AIG1: variants seen among roughly 807,000 people sequenced by gnomAD.
AIG1 encodes androgen induced 1.
AIG1 carries 23 observed loss-of-function variants against 31.4 expected under a neutral mutation model. The observed-to-expected ratio is 0.73, with a 90% CI of 0.53 to 1.04. The LOEUF (loss-of-function observed/expected upper bound fraction) is 1.04. Among genes scored for constraint, AIG1 ranks in the 50% least tolerant of loss-of-function variants. The pLI, the probability that AIG1 is intolerant of heterozygous loss-of-function variation, is 0.00. For synonymous variants in AIG1, 100 were observed against 110.5 expected (o/e 0.90, Z 0.60); for missense variants, 274 against 295.0 (o/e 0.93, Z 0.52).
chr6:143,185,160 C>T (rs1789130520), intron 3 of AIG1, among the ~76,000 whole-genome samples: 1 of 149,144 alleles, frequency 6.7e-6, no homozygotes, highest in Non-Finnish European at 1.5e-5. Context: ...TGTGCCACTG[C>T]ACTCCAGCCT....
At chr6:143,078,576 C>A (rs148375149) in intron 1 of AIG1, among the ~76,000 whole-genome samples, 2 of 152,066 alleles carry the variant, frequency 1.3e-5, no homozygotes, top group South Asian at 4.1e-4. Flanking sequence ...GCCTCACAAT[C>A]GTGGTGGAAG....
At chr6:143,123,033 A>G (rs772385900) in intron 1 of AIG1, among the ~76,000 whole-genome samples, 2 of 152,114 alleles carry the variant, frequency 1.3e-5, no homozygotes, top group African/African-American at 2.4e-5. Context: ...TCCTATAACT[A>G]TGGCACTGGG....
At chr6:143,221,144 C>A (rs140142763) in intron 3 of AIG1, among the ~76,000 whole-genome samples, 12 of 152,234 alleles carry the variant, frequency 7.9e-5, no homozygotes, top group South Asian at 4.2e-4. Context: ...TAGTGATATT[C>A]TTTTTCTTAG....
At chr6:143,108,149 T>C (rs1174684525) in intron 1 of AIG1, among the ~76,000 whole-genome samples, 2 of 152,234 alleles carry the variant, frequency 1.3e-5, no homozygotes, top group Non-Finnish European at 2.9e-5. Context: ...GAAGCGACTC[T>C]GCAGCACTTT....
At chr6:143,182,737 T>A in intron 3 of AIG1, among the ~76,000 whole-genome samples, 1 of 152,234 alleles carries the variant, frequency 6.6e-6, no homozygotes, top group Middle Eastern at 3.2e-3. Context: ...TTTATTTCAG[T>A]TGCTGATTTA....
At chr6:143,182,995 T>C (rs1463823054) in intron 3 of AIG1, among the ~76,000 whole-genome samples, 1 of 152,250 alleles carries the variant, frequency 6.6e-6, no homozygotes, top group Non-Finnish European at 1.5e-5. Flanking sequence ...CATGACCTGC[T>C]GTTCCCAGAA....
At chr6:143,239,642 C>T (rs1313177853) in intron 3 of AIG1, among the ~76,000 whole-genome samples, 3 of 152,240 alleles carry the variant, frequency 2.0e-5, no homozygotes, top group Non-Finnish European at 4.4e-5. Flanking sequence ...ACTCAGTAAA[C>T]TTCTCCCCCT....
rs965457251 is a variant in AIG1, at chr6:143,297,358, C to T, written c.515+13133C>T. Among the ~76,000 whole-genome samples, 2 of 152,202 alleles carry T rather than the reference C, an allele frequency of 1.3e-5. No individual in the cohort carries two copies. Among genetic ancestry groups the T allele is most frequent in the African/African-American group, 4.8e-5 (2 of 41,442 alleles). On this transcript the variant is annotated intron_variant, in intron 4 of 5. Transcript: ENST00000357847. The surrounding 1 kb of genome is among the most constrained non-coding windows in gnomAD (Gnocchi z 5.1). ...CCTCCTGTCACTGCAATATATATTC[C>T]ACCTCAACTCTCCCCACCAAAACTG...
chr6:143,243,109 C>A (rs897204856), intron 3 of AIG1, among the ~76,000 whole-genome samples: 11 of 152,162 alleles, frequency 7.2e-5, no homozygotes, highest in Admixed American at 3.9e-4. Flanking sequence ...TCATACTCCA[C>A]AAGGCTTATA....
intron 3 of AIG1, among the ~76,000 whole-genome samples, chr6:143,228,782 T>C (rs562009253): frequency 6.6e-6 from 1 of 152,372 alleles, no homozygotes; most frequent in East Asian, 1.9e-4. Context: ...AACCTTCATC[T>C]GCTCCTTTGT....
chr6:143,112,402 A>G (rs1434408363), intron 1 of AIG1, among the ~76,000 whole-genome samples: 2 of 152,048 alleles, frequency 1.3e-5, no homozygotes, highest in Admixed American at 6.6e-5. Context: ...GTGTTTCTTT[A>G]TCTCACTCTG....
At chr6:143,064,138 A>C (rs1776488999) in intron 1 of AIG1, among the ~76,000 whole-genome samples, 1 of 152,230 alleles carries the variant, frequency 6.6e-6, no homozygotes, top group Admixed American at 6.5e-5. Flanking sequence ...GGAACCTGTG[A>C]ATACATTAGG....
At chr6:143,107,582 T>G (rs1289922756) in intron 1 of AIG1, among the ~76,000 whole-genome samples, 1 of 152,100 alleles carries the variant, frequency 6.6e-6, no homozygotes, top group Non-Finnish European at 1.5e-5. Flanking sequence ...TGGCTATATC[T>G]GGAAACCTCA....
At chr6:143,290,494 C>G (rs9399434) in intron 4 of AIG1, among the ~76,000 whole-genome samples, 45,854 of 152,088 alleles carry the variant, frequency 0.3, 8,121 homozygotes, top group East Asian at 0.74. Context: ...AGGCATCCCC[C>G]CTTACCAGTT....
chr6:143,226,467 A>C (rs938780873), intron 3 of AIG1, among the ~76,000 whole-genome samples: 4 of 150,818 alleles, frequency 2.7e-5, no homozygotes, highest in Admixed American at 1.3e-4. Flanking sequence ...GATGGTCTTG[A>C]TCTCTTGACC....
chr6:143,070,823 A>G (rs745520610), intron 1 of AIG1, among the ~76,000 whole-genome samples: 7 of 152,258 alleles, frequency 4.6e-5, no homozygotes, highest in Non-Finnish European at 1.0e-4. Flanking sequence ...AAGCTTCCAC[A>G]TGAATTTTAG....
At chr6:143,313,502 A>C (rs1195761980) in intron 4 of AIG1, among the ~76,000 whole-genome samples, 1 of 152,160 alleles carries the variant, frequency 6.6e-6, no homozygotes, top group Non-Finnish European at 1.5e-5. Context: ...GCTGAATAGG[A>C]AAACAGTTGA....
downstream of AIG1, chr6:143,342,317 C>G (rs1276943765): frequency 1.5e-6 from 1 of 679,538 alleles, no homozygotes; most frequent in Non-Finnish European, 2.7e-6. Context: ...TGCGCAGCAG[C>G]AGCTGCGAGG....
At chr6:143,174,130 G>A (rs7755894) in intron 3 of AIG1, among the ~76,000 whole-genome samples, 136,404 of 152,216 alleles carry the variant, frequency 0.9, 61,455 homozygotes, top group East Asian at 1. Context: ...TCCTTTTATC[G>A]TTATATAATT....
Sources: allele counts gnomAD v4.1 joint callset (sites outside exome capture counted in the v4.1 genomes callset), GRCh38; gene constraint gnomAD v4.1.1; non-coding constraint Gnocchi (gnomAD v3.1); transcripts MANE v1.5; gene names NCBI Gene and HGNC (gene_info 2026-07-23, HGNC 2026-07-21).